ISY1: variants seen among roughly 807,000 people sequenced by gnomAD.
ISY1 encodes pre-mRNA-splicing factor ISY1 homolog.
Under a neutral mutation model 54.4 loss-of-function variants are expected in ISY1, and 12 were observed. That is an observed-to-expected ratio of 0.22 (90% CI 0.14 to 0.36). ISY1 has a LOEUF of 0.36. Ranked by LOEUF, ISY1 falls within the 10% of genes least tolerant of loss-of-function variation. The probability of loss-of-function intolerance (pLI) is 1.00; values close to 1 mark genes in which losing one functional copy is unlikely to be tolerated. For missense variants in ISY1, 282 were observed against 342.2 expected (o/e 0.82, Z 1.39); for synonymous variants, 96 against 117.9 (o/e 0.81, Z 1.20).
chr3:129,132,125 G>C (rs1440229556), intron 9 of ISY1, among the ~76,000 whole-genome samples: 1 of 151,942 alleles, frequency 6.6e-6, no homozygotes, highest in Non-Finnish European at 1.5e-5. Flanking sequence ...CACCACCCCC[G>C]GCCAGTTCTG....
chr3:129,144,120 G>T (rs568456460), intron 6 of ISY1: 136 of 426,004 alleles, frequency 3.2e-4, no homozygotes, highest in African/African-American at 2.3e-3. Context: ...CTGCCTCACA[G>T]GAAAAATAAA....
chr3:129,143,569 TTTA>T (rs1936685373), intron 6 of ISY1, among the ~76,000 whole-genome samples: 1 of 151,448 alleles, frequency 6.6e-6, no homozygotes, highest in South Asian at 2.1e-4. Context: ...CATATGATTA[TTTA>T]TTGACACGAA....
intron 7 of ISY1, among the ~76,000 whole-genome samples, chr3:129,136,109 CTTTTT>C (rs766221592): frequency 6.9e-6 from 1 of 145,448 alleles, no homozygotes; most frequent in Non-Finnish European, 1.5e-5. Flanking sequence ...TTAAGTAATT[CTTTTT>C]TTTTTTTGAG....
chr3:129,151,301 T>C (rs1330238589), intron 5 of ISY1, among the ~76,000 whole-genome samples: 1 of 151,858 alleles, frequency 6.6e-6, no homozygotes, highest in Non-Finnish European at 1.5e-5. Context: ...GAAGTCTTTC[T>C]GTAGGTTCCT....
chr3:129,151,854 G>C (rs1936981736), intron 5 of ISY1, among the ~76,000 whole-genome samples: 1 of 151,728 alleles, frequency 6.6e-6, no homozygotes, highest in African/African-American at 2.4e-5. Flanking sequence ...TTGGCTATGG[G>C]TTTCTTATAA....
chr3:129,157,451 C>A (rs556485417), intron 3 of ISY1, among the ~76,000 whole-genome samples: 84 of 152,090 alleles, frequency 5.5e-4, no homozygotes, highest in Admixed American at 2.0e-3. Flanking sequence ...CTGGGCACGG[C>A]GGTTCATCTC....
chr3:129,133,952 T>C lies in ISY1; in HGVS notation c.663+122A>G, dbSNP rs539807904. 1.3e-5 allele frequency: 19 copies of C among 1,516,776 alleles called. No homozygotes were observed. The East Asian group carries it at 3.4e-4, about 27-fold the overall frequency. 94.0% of individuals were successfully genotyped at this position (1,516,776 alleles called of 1,614,324 possible). On this transcript the variant is annotated intron_variant, in intron 9 of 10. Transcript: ENST00000393295. ...CTCGCAAGTGTTTTCACAGCCATCC[T>C]GCAGGTGAGCAAGCTGGGCTGTGAA...
chr3:129,134,298 C>A lies in ISY1; in HGVS notation c.542-103G>T, dbSNP rs1349616664. The A allele has an allele frequency of 3.8e-6, 6 of 1,561,830 alleles. No individual in the cohort carries two copies. The East Asian group carries it at 1.3e-4, about 35-fold the overall frequency. On this transcript the variant is annotated intron_variant, in intron 8 of 10. Coordinates refer to ENST00000393295, the MANE Select transcript of ISY1 (RefSeq NM_020701.4). The stretch of plus-strand genomic sequence containing the variant: ...TATGCAGGGAAAGTCTAGACATCCC[C>A]TCTAGAAAGGGACACCCTTCATTCT...
chr3:129,142,813 G>T (rs747185339), intron 6 of ISY1, among the ~76,000 whole-genome samples: 8 of 152,138 alleles, frequency 5.3e-5, no homozygotes, highest in Non-Finnish European at 1.2e-4. Flanking sequence ...CCAGCACTTT[G>T]GGGAGCCAAG....
intron 5 of ISY1, among the ~76,000 whole-genome samples, chr3:129,152,621 T>C (rs1192640562): frequency 6.6e-6 from 1 of 152,172 alleles, no homozygotes; most frequent in Non-Finnish European, 1.5e-5. Flanking sequence ...TTAGCCAGGA[T>C]GGTTTCGATC....
chr3:129,151,192 A>C (rs898525698), intron 5 of ISY1, among the ~76,000 whole-genome samples: 6 of 147,936 alleles, frequency 4.1e-5, no homozygotes, highest in Admixed American at 2.7e-4. Flanking sequence ...AATATATAAA[A>C]ATATATATAT....
Position 129,140,445 on chromosome 3 carries a change from A to G in ISY1, c.341T>C (p.Val114Ala). Residue 114 changes from valine (V) to alanine (A), a missense_variant, in exon 7 of 11, where the codon GTC becomes GCC. By Grantham distance (64) the Val-to-Ala change is moderately conservative. Transcript: ENST00000393295. ...PKMLDHEGKEVPGNRGYKYFG... is the reference protein window; with the variant it reads ...PKMLDHEGKEAPGNRGYKYFG... Reference sequence around the variant, plus strand: ...GTACTTGTAACCTCGGTTTCCTGGGACTTCTTTTCCTTCATGATCCAGCAT... The same window carrying G: ...GTACTTGTAACCTCGGTTTCCTGGGGCTTCTTTTCCTTCATGATCCAGCAT... 6.2e-7 allele frequency: 1 copy of G among 1,613,262 alleles called. No homozygotes were observed. The highest frequency in any genetic ancestry group is 8.5e-7 in the Non-Finnish European group (1 of 1,179,830).
rs973972368 is a variant in ISY1 at position 129,140,336 on chromosome 3, T to C, written c.418+32A>G. 7 of 1,565,836 alleles carry C rather than the reference T, an allele frequency of 4.5e-6. No individual in the cohort carries two copies. The African/African-American group carries it at 5.8e-5, about 13-fold the overall frequency. On this transcript the variant is annotated intron_variant, in intron 7 of 10. Transcript: ENST00000393295. ...TATCTACTCTTATGATTATTACCAA[T>C]GAAAGGCTAAAACTGTCACAAACTT...
At chr3:129,138,455 G>A (rs1178708091) in intron 7 of ISY1, among the ~76,000 whole-genome samples, 5 of 151,312 alleles carry the variant, frequency 3.3e-5, no homozygotes, top group African/African-American at 1.2e-4. Context: ...CTAACACGGT[G>A]AAACCCCGTC....
chr3:129,153,308 C>A (rs1431933593), intron 5 of ISY1, among the ~76,000 whole-genome samples: 1 of 152,162 alleles, frequency 6.6e-6, no homozygotes, highest in Non-Finnish European at 1.5e-5. Flanking sequence ...CGGTGCACAG[C>A]CCCAATTTCT....
intron 5 of ISY1, among the ~76,000 whole-genome samples, chr3:129,149,805 A>AAAAAAAAAAAAAAAAG (rs1553783043): frequency 3.3e-5 from 2 of 60,008 alleles, no homozygotes; most frequent in Non-Finnish European, 3.2e-5. Flanking sequence ...AAAAAAAAAA[A>AAAAAAAAAAAAAAAAG]AAAGAAAGAA....
In ISY1 at chr3:129,130,042, G is replaced by A; in HGVS notation, c.*39C>T. On this transcript the variant is annotated 3_prime_UTR_variant, in exon 11 of 11. Coordinates refer to ENST00000393295, the MANE Select transcript of ISY1 (RefSeq NM_020701.4). ...CAGCCCTGGGTCCTGAGGTACCACT[G>A]GGGGATGGAAGAACTCCAAGGAGAG... is the stretch of plus-strand genomic sequence containing the variant. The A allele has an allele frequency of 6.7e-7, 1 of 1,496,518 alleles. No individual in the cohort carries two copies. Among genetic ancestry groups the A allele is most frequent in the South Asian group, 1.3e-5 (1 of 75,870 alleles). 92.7% of individuals were successfully genotyped at this position (1,496,518 alleles called of 1,614,324 possible).
intron 5 of ISY1, 98 bp from the exon 6 acceptor site, chr3:129,145,971 C>T: frequency 1.7e-6 from 2 of 1,184,262 alleles, no homozygotes; most frequent in Non-Finnish European, 2.4e-6. Flanking sequence ...TGAATGTCAA[C>T]ACCTACAAAG....
At position 129,134,800 on chromosome 3, in the gene ISY1, T is replaced by A. The variant is rs765173120; in HGVS notation, c.541+32A>T. 12 of 1,583,950 alleles carry A rather than the reference T, an allele frequency of 7.6e-6. No homozygotes were observed. In the Admixed American group the frequency reaches 1.9e-4, roughly 25 times the overall value. On this transcript the variant is annotated intron_variant, in intron 8 of 10. Transcript: ENST00000393295. ...AGGACACAACAGAAAACAGATGCCA[T>A]CTATTATGAAATAAAATGCCCAGAG...
Sources: gnomAD v4.1 joint callset for allele counts (sites outside exome capture counted in the v4.1 genomes callset) on GRCh38, gnomAD v4.1.1 for gene constraint, MANE v1.5 for transcripts, NCBI Gene and HGNC (gene_info 2026-07-23, HGNC 2026-07-21) for gene names.